The following LRRC4C variants were observed in gnomAD, a reference collection of about 807,000 sequenced individuals.
The protein encoded by LRRC4C is leucine-rich repeat-containing protein 4C.
In LRRC4C, 5 loss-of-function variants were observed where a neutral mutation model predicts 33.6. That is an observed-to-expected ratio of 0.15 (90% CI 0.08 to 0.31). The LOEUF (loss-of-function observed/expected upper bound fraction) is 0.31, where lower values mean the gene tolerates loss of function less well. Among genes scored for constraint, LRRC4C ranks in the 10% least tolerant of loss-of-function variants. The pLI is 1.00. For missense variants in LRRC4C, 560 were observed against 796.7 expected (o/e 0.70, Z 3.58); for synonymous variants, 329 against 302.0 (o/e 1.09, Z -0.93).
intron 1 of LRRC4C, among the ~76,000 whole-genome samples, chr11:41,175,821 C>T (rs369759758): frequency 1.3e-5 from 2 of 152,176 alleles, no homozygotes; most frequent in African/African-American, 4.8e-5. Flanking sequence ...CCTCAAGATA[C>T]TATTCTTCCT....
At chr11:41,039,973 T>C (rs546322387) in intron 1 of LRRC4C, among the ~76,000 whole-genome samples, 10 of 151,688 alleles carry the variant, frequency 6.6e-5, no homozygotes, top group African/African-American at 2.4e-4. Context: ...CCGTCTCTAC[T>C]AAAAATACAA....
At chr11:41,383,785 C>A (rs1953248439) in intron 1 of LRRC4C, among the ~76,000 whole-genome samples, 1 of 151,300 alleles carries the variant, frequency 6.6e-6, no homozygotes, top group South Asian at 2.1e-4. Flanking sequence ...ACTCAGTGAC[C>A]CAGATAAAAG....
chr11:40,462,795 A>G (rs1952462883), intron 3 of LRRC4C, among the ~76,000 whole-genome samples: 1 of 152,100 alleles, frequency 6.6e-6, no homozygotes, highest in African/African-American at 2.4e-5. Flanking sequence ...CAATGGAACC[A>G]AAGAGCAGAT....
At chr11:40,382,998 T>C (rs1266853571) in intron 3 of LRRC4C, among the ~76,000 whole-genome samples, 1 of 152,104 alleles carries the variant, frequency 6.6e-6, no homozygotes, top group East Asian at 1.9e-4. Context: ...CGGCCAACAT[T>C]GTACTCTTTG....
At chr11:41,077,316 A>G (rs1388643688) in intron 1 of LRRC4C, among the ~76,000 whole-genome samples, 1 of 152,160 alleles carries the variant, frequency 6.6e-6, no homozygotes, top group Non-Finnish European at 1.5e-5. Flanking sequence ...CTGACCTAGC[A>G]GAGGTTTTCC....
intron 1 of LRRC4C, among the ~76,000 whole-genome samples, chr11:41,201,940 AC>A (rs1946416765): frequency 8.7e-6 from 1 of 115,174 alleles, no homozygotes; most frequent in Non-Finnish European, 2.0e-5. Context: ...ACACACACAC[AC>A]ACACAAGTCC....
intron 3 of LRRC4C, among the ~76,000 whole-genome samples, chr11:40,488,909 T>C (rs1840314093): frequency 6.6e-6 from 1 of 152,122 alleles, no homozygotes; most frequent in African/African-American, 2.4e-5. Flanking sequence ...AATGATATTG[T>C]GGTTTCTCCT....
At chr11:40,480,515 T>A (rs553391362) in intron 3 of LRRC4C, among the ~76,000 whole-genome samples, 40 of 152,098 alleles carry the variant, frequency 2.6e-4, no homozygotes, top group African/African-American at 8.4e-4. Context: ...AAACTACCTG[T>A]CAGGTACTAT....
intron 1 of LRRC4C, among the ~76,000 whole-genome samples, chr11:41,265,386 T>A (rs1036847817): frequency 7.9e-5 from 12 of 152,108 alleles, no homozygotes; most frequent in Admixed American, 7.9e-4. Context: ...GGTGGCTGAT[T>A]GGTAAGATTG....
chr11:40,144,017 A>C (rs1857549868), intron 5 of LRRC4C, among the ~76,000 whole-genome samples: 1 of 152,166 alleles, frequency 6.6e-6, no homozygotes, highest in South Asian at 2.1e-4. Flanking sequence ...CAGAGCTGTA[A>C]AAGGTATAGC....
At chr11:40,885,952 G>A (rs1357235179) in intron 2 of LRRC4C, among the ~76,000 whole-genome samples, 1 of 152,012 alleles carries the variant, frequency 6.6e-6, no homozygotes, top group Admixed American at 6.6e-5. Flanking sequence ...CTAGGAGCAA[G>A]CAGACAGGCC....
chr11:41,115,280 TAAGAA>T lies in LRRC4C; in HGVS notation c.-495-181562_-495-181558del, dbSNP rs566930404. On this transcript the variant is annotated intron_variant, in intron 1 of 6. Coordinates refer to ENST00000528697, the MANE Select transcript of LRRC4C (RefSeq NM_001258419.2). ...AGGTTTAGTCATAAAATTTGAATTT[TAAGAA>T]AAGAACAAATGACTTGCTAAGTAGC... Among the ~76,000 whole-genome samples, 16 of 152,154 alleles carry T rather than the reference TAAGAA, an allele frequency of 1.1e-4. No individual in the cohort carries two copies. In the South Asian group the frequency reaches 3.3e-3, roughly 32 times the overall value.
At chr11:40,547,173 A>G (rs1383199741) in intron 3 of LRRC4C, among the ~76,000 whole-genome samples, 1 of 152,110 alleles carries the variant, frequency 6.6e-6, no homozygotes, top group Admixed American at 6.6e-5. Flanking sequence ...AACAATAACA[A>G]CAGCTATATT....
chr11:40,721,799 G>A lies in LRRC4C; in HGVS notation c.-406-73521C>T, dbSNP rs375352811. Reference sequence around the variant, plus strand: ...CCCTAAAAATACAAAAAATTAGCCGGGCGCGGTGGTGGGCGCCTGTAATGC... The same window carrying A: ...CCCTAAAAATACAAAAAATTAGCCGAGCGCGGTGGTGGGCGCCTGTAATGC... On this transcript the variant is annotated intron_variant, in intron 2 of 6. Transcript: ENST00000528697. Among the ~76,000 whole-genome samples, 14 of 151,988 alleles carry A rather than the reference G, an allele frequency of 9.2e-5. No individual in the cohort carries two copies. In the East Asian group the frequency reaches 1.7e-3, roughly 19 times the overall value.
chr11:41,422,608 C>T lies in LRRC4C; in HGVS notation c.-496+36823G>A, dbSNP rs956147635. 5.9e-5 allele frequency among the ~76,000 whole-genome samples: 9 copies of T among 152,042 alleles called. No homozygotes were observed. In the South Asian group the frequency reaches 6.2e-4, roughly 11 times the overall value. ...TCCACTGAAACACCAAACCCTAGAA[C>T]GACTCCACCCCAGGATGTTTTATTA... On this transcript the variant is annotated intron_variant, in intron 1 of 6. Coordinates refer to ENST00000528697, the MANE Select transcript of LRRC4C (RefSeq NM_001258419.2).
chr11:41,268,751 T>C (rs1433253564), intron 1 of LRRC4C, among the ~76,000 whole-genome samples: 1 of 152,040 alleles, frequency 6.6e-6, no homozygotes, highest in Admixed American at 6.6e-5. Context: ...CAATAGATGA[T>C]ATGAAAATCC....
At chr11:40,766,614 ATAAAGT>A (rs1163998341) in intron 2 of LRRC4C, among the ~76,000 whole-genome samples, 1 of 152,014 alleles carries the variant, frequency 6.6e-6, no homozygotes, top group African/African-American at 2.4e-5. Context: ...AGTTATGGTG[ATAAAGT>A]TAAAATGTAG....
chr11:40,901,581 G>C (rs1956201585), intron 2 of LRRC4C, among the ~76,000 whole-genome samples: 1 of 151,976 alleles, frequency 6.6e-6, no homozygotes, highest in Non-Finnish European at 1.5e-5. Context: ...GAAAATTACT[G>C]ATGGTTATTA....
chr11:40,128,392 T>A (rs1359921807), intron 6 of LRRC4C, among the ~76,000 whole-genome samples: 1 of 152,228 alleles, frequency 6.6e-6, no homozygotes, highest in Non-Finnish European at 1.5e-5. Flanking sequence ...TGTCTACTTT[T>A]CCTCATTGTC....
Sources: gnomAD v4.1 joint callset for allele counts (sites outside exome capture counted in the v4.1 genomes callset) on GRCh38, gnomAD v4.1.1 for gene constraint, MANE v1.5 for transcripts, NCBI Gene and HGNC (gene_info 2026-07-23, HGNC 2026-07-21) for gene names.